The following NUBPL variants were observed in gnomAD, a reference collection of about 807,000 sequenced individuals.
The protein encoded by NUBPL is iron-sulfur cluster transfer protein NUBPL.
A neutral mutation model predicts 45.7 loss-of-function variants in NUBPL; 31 were observed. That is an observed-to-expected ratio of 0.68 (90% confidence interval 0.51 to 0.92). The LOEUF (loss-of-function observed/expected upper bound fraction) is 0.92, where lower values mean the gene tolerates loss of function less well. Ranked by LOEUF, NUBPL falls within the 40% of genes least tolerant of loss-of-function variation. The pLI, the probability that NUBPL is intolerant of heterozygous loss-of-function variation, is 0.00. For synonymous variants in NUBPL, 144 were observed against 140.9 expected (o/e 1.02, Z -0.15); for missense variants, 401 against 398.7 (o/e 1.01, Z -0.05).
intron 3 of NUBPL, among the ~76,000 whole-genome samples, chr14:31,589,315 A>G (rs2034079998): frequency 6.6e-6 from 1 of 152,120 alleles, no homozygotes; most frequent in African/African-American, 2.4e-5. Context: ...ATACAGTACA[A>G]TTGTTTATTT....
intron 6 of NUBPL, among the ~76,000 whole-genome samples, chr14:31,763,691 C>T (rs753089544): frequency 6.6e-6 from 1 of 152,100 alleles, no homozygotes; most frequent in Non-Finnish European, 1.5e-5. Context: ...GTAGCTTGGT[C>T]AGAACTTTAA....
At chr14:31,786,273 T>G (rs59776229) in intron 6 of NUBPL, among the ~76,000 whole-genome samples, 9,994 of 152,260 alleles carry the variant, frequency 0.066, 414 homozygotes, top group Non-Finnish European at 0.091. Flanking sequence ...CACTTAGGTT[T>G]AAAAAAATCA....
intron 3 of NUBPL, among the ~76,000 whole-genome samples, chr14:31,566,105 A>T (rs968585634): frequency 1.6e-4 from 25 of 152,136 alleles, no homozygotes; most frequent in African/African-American, 6.0e-4. Flanking sequence ...CTGTGGCTAT[A>T]CTTCTAACTT....
intron 4 of NUBPL, among the ~76,000 whole-genome samples, chr14:31,602,398 A>G (rs2034464057): frequency 1.1e-5 from 1 of 95,230 alleles, no homozygotes; most frequent in Non-Finnish European, 1.9e-5. Context: ...ATAATAGAAA[A>G]AAAAAAGAAA....
At chr14:31,633,949 A>G (rs1395822627) in intron 4 of NUBPL, among the ~76,000 whole-genome samples, 1 of 151,980 alleles carries the variant, frequency 6.6e-6, no homozygotes, top group African/African-American at 2.4e-5. Context: ...CCACCTGCTT[A>G]GGGTTCCCAG....
chr14:31,850,027 G>C (rs10132352), intron 9 of NUBPL, 92 bp from the exon 10 acceptor site: 1 of 911,172 alleles, frequency 1.1e-6, no homozygotes. Flanking sequence ...ATTTAGTTCC[G>C]ATTTTGTTTC....
At chr14:31,711,876 C>T (rs553799968) in intron 6 of NUBPL, among the ~76,000 whole-genome samples, 6 of 152,042 alleles carry the variant, frequency 3.9e-5, no homozygotes, top group South Asian at 2.1e-4. Context: ...ATGGCACATC[C>T]GGAGTTGTTT....
intron 6 of NUBPL, 126 bp downstream of exon 6, chr14:31,673,700 T>G: frequency 1.2e-6 from 1 of 806,644 alleles, no homozygotes; most frequent in Non-Finnish European, 2.1e-6. Flanking sequence ...TAATGCGTAA[T>G]ATGGCACCTA....
chr14:31,601,627 A>C (rs75244721), intron 4 of NUBPL, among the ~76,000 whole-genome samples: 3 of 152,244 alleles, frequency 2.0e-5, no homozygotes, highest in African/African-American at 4.8e-5. Context: ...AGCCAAAAAA[A>C]CACATGAAAA....
chr14:31,694,435 T>A (rs2037168854), intron 6 of NUBPL, among the ~76,000 whole-genome samples: 1 of 152,224 alleles, frequency 6.6e-6, no homozygotes, highest in South Asian at 2.1e-4. Context: ...TAATTATTTA[T>A]TGAGCTGACA....
intron 4 of NUBPL, among the ~76,000 whole-genome samples, chr14:31,638,614 T>A (rs1028246099): frequency 4.6e-5 from 7 of 152,276 alleles, no homozygotes; most frequent in African/African-American, 1.7e-4. Context: ...TCTCTGTATT[T>A]CCTGAATGTG....
chr14:31,831,558 G>A (rs543844210), intron 8 of NUBPL, among the ~76,000 whole-genome samples: 2 of 150,670 alleles, frequency 1.3e-5, no homozygotes, highest in African/African-American at 4.9e-5. Context: ...TGTCTCTCTC[G>A]CTGTGCCTGG....
chr14:31,732,902 C>T (rs946588530), intron 6 of NUBPL, among the ~76,000 whole-genome samples: 10 of 152,080 alleles, frequency 6.6e-5, no homozygotes, highest in Admixed American at 1.3e-4. Flanking sequence ...TGTGCATCAC[C>T]GCGCCCGGCC....
intron 7 of NUBPL, among the ~76,000 whole-genome samples, chr14:31,807,264 T>C (rs1222725031): frequency 6.6e-6 from 1 of 151,970 alleles, no homozygotes; most frequent in Non-Finnish European, 1.5e-5. Context: ...CCTGTTTCTC[T>C]ACATACTCCC....
chr14:31,758,532 C>T (rs1449171794), intron 6 of NUBPL, among the ~76,000 whole-genome samples: 1 of 152,016 alleles, frequency 6.6e-6, no homozygotes, highest in African/African-American at 2.4e-5. Context: ...TTGTTTAAGG[C>T]TGTTTTTTAT....
At chr14:31,688,663 T>TTTTTG (rs1321079731) in intron 6 of NUBPL, among the ~76,000 whole-genome samples, 7 of 149,634 alleles carry the variant, frequency 4.7e-5, no homozygotes, top group African/African-American at 1.7e-4. Context: ...TTGTTGTTTT[T>TTTTTG]TTTTTTTTTT....
At position 31,710,477 on chromosome 14, in the gene NUBPL, G is replaced by A. The variant is rs181554582; in HGVS notation, c.513+36903G>A. ...ACCACAAGGAGGACTAAGGAAGGTC[G>A]GATTTAGTGACCCTTACTGACGCAT... On this transcript the variant is annotated intron_variant, in intron 6 of 10. Transcript: ENST00000281081. 3.3e-5 allele frequency among the ~76,000 whole-genome samples: 5 copies of A among 152,172 alleles called. No homozygotes were observed. The East Asian group carries it at 7.7e-4, about 24-fold the overall frequency.
At chr14:31,771,981 T>G (rs1174827756) in intron 6 of NUBPL, 1 of 616,504 alleles carries the variant, frequency 1.6e-6, no homozygotes, top group Admixed American at 6.3e-5. Flanking sequence ...TCTAATACCT[T>G]AACCACTGAA....
chr14:31,782,472 TTAG>T (rs1386899369), intron 6 of NUBPL, among the ~76,000 whole-genome samples: 1 of 152,008 alleles, frequency 6.6e-6, no homozygotes, highest in African/African-American at 2.4e-5. Context: ...TTTTTAACTC[TTAG>T]TAACCTTAAA....
Sources: allele counts gnomAD v4.1 joint callset (sites outside exome capture counted in the v4.1 genomes callset), GRCh38; gene constraint gnomAD v4.1.1; transcripts MANE v1.5; gene names NCBI Gene and HGNC (gene_info 2026-07-23, HGNC 2026-07-21).